HYAL1: variants seen among roughly 807,000 people sequenced by gnomAD.
The protein encoded by HYAL1 is hyaluronidase-1.
A neutral mutation model predicts 28.8 loss-of-function variants in HYAL1; 21 were observed. The observed-to-expected ratio is 0.73, with a 90% confidence interval of 0.52 to 1.05. The LOEUF (loss-of-function observed/expected upper bound fraction) is 1.05. HYAL1 is among the 50% of genes least tolerant of loss of function. The pLI is 0.00. For missense variants in HYAL1, 491 were observed against 579.2 expected (o/e 0.85, Z 1.56); for synonymous variants, 200 against 230.1 (o/e 0.87, Z 1.18).
chr3:50,312,163 G>C (rs1702483679), intron 1 of HYAL1: 1 of 157,928 alleles, frequency 6.3e-6, no homozygotes, highest in Non-Finnish European at 1.4e-5. Context: ...GGCCAGGCGG[G>C]GGGTTGACCC....
intron 2 of HYAL1, among the ~76,000 whole-genome samples, chr3:50,301,615 CAA>C (rs34686771): frequency 2.0e-4 from 9 of 45,910 alleles, no homozygotes; most frequent in Admixed American, 2.4e-4. Context: ...GACTCCGTCT[CAA>C]AAAAAAAAAA....
At chr3:50,300,892 A>G in intron 3 of HYAL1, 92 bp from the exon 4 acceptor site, 2 of 1,531,702 alleles carry the variant, frequency 1.3e-6, no homozygotes, top group Admixed American at 1.8e-5. Flanking sequence ...GTCAGCCAGG[A>G]CTTTGCAGGT....
Position 50,300,098 on chromosome 3 carries a change from C to G in HYAL1, c.*385G>C, listed in dbSNP as rs141677727. On this transcript the variant is annotated 3_prime_UTR_variant, in exon 4 of 4. Transcript: ENST00000395144. ...CTCAATGTGAGTGACTCAGTTTCCTCATAGCCTCATTGTGAGGAATGAATA... is the reference window on the plus strand; with the variant it reads ...CTCAATGTGAGTGACTCAGTTTCCTGATAGCCTCATTGTGAGGAATGAATA... 1 of 310,694 alleles carries G rather than the reference C, an allele frequency of 3.2e-6. No homozygotes were observed. Among genetic ancestry groups the G allele is most frequent in the Non-Finnish European group, 6.3e-6 (1 of 158,964 alleles). 19.2% of individuals were successfully genotyped at this position (310,694 alleles called of 1,614,324 possible). A position where few individuals can be genotyped will look rare whatever the true frequency, so the allele number is the denominator to read the frequency against.
At chr3:50,306,509 A>G (rs1575521286), upstream of HYAL1, among the ~76,000 whole-genome samples, 1 of 151,244 alleles carries the variant, frequency 6.6e-6, no homozygotes, top group Non-Finnish European at 1.5e-5. Flanking sequence ...TTACACTTAC[A>G]GCACTCAGAA....
chr3:50,310,879 T>C (rs1235932629), intron 1 of HYAL1, among the ~76,000 whole-genome samples: 1 of 151,278 alleles, frequency 6.6e-6, no homozygotes, highest in Non-Finnish European at 1.5e-5. Flanking sequence ...TAACCCTGAG[T>C]GGACACAGCA....
intron 1 of HYAL1, among the ~76,000 whole-genome samples, chr3:50,310,146 G>A (rs1345172823): frequency 6.6e-6 from 1 of 150,654 alleles, no homozygotes; most frequent in Non-Finnish European, 1.5e-5. Context: ...CAATTTTTAT[G>A]ATTTTCTACA....
chr3:50,311,676 C>T lies in HYAL1; in HGVS notation c.-310+588G>A, dbSNP rs1237846170. 7.6e-4 allele frequency among the ~76,000 whole-genome samples: 108 copies of T among 142,726 alleles called. 3 individuals are homozygous for T. Among genetic ancestry groups the T allele is most frequent in the African/African-American group, 2.7e-3 (98 of 36,772 alleles). 93.6% of individuals were successfully genotyped at this position (142,726 alleles called of 152,430 possible). ...CGGCTGGCCGGGCGGGGGGCTGACCCCCCAACCTCCCTCCCGGACGGGGCG... is the reference window on the plus strand; with the variant it reads ...CGGCTGGCCGGGCGGGGGGCTGACCTCCCAACCTCCCTCCCGGACGGGGCG... On this transcript the variant is annotated intron_variant, in intron 1 of 5. Transcript: ENST00000320295.
chr3:50,302,259 C>T lies in HYAL1; in HGVS notation c.698G>A (p.Gly233Glu), dbSNP rs1553713121. ...GGCACGGCTCTGGCCCCACAGCCACCCTAGCTGGTCATTTTGGGCACGGAT... is the reference window on the plus strand; with the variant it reads ...GGCACGGCTCTGGCCCCACAGCCACTCTAGCTGGTCATTTTGGGCACGGAT... ...SGIRAQNDQL[G>E]WLWGQSRALY... The change falls in exon 2 of 4, where the codon GGG (glycine) becomes GAG (glutamate). Residue 233 changes from glycine (G) to glutamate (E), a missense_variant. Coordinates refer to ENST00000395144, the MANE Select transcript of HYAL1 (RefSeq NM_033159.4). The surrounding 1 kb of genome is among the most constrained non-coding windows in gnomAD (Gnocchi z 5.0). 6.2e-7 allele frequency: 1 copy of T among 1,613,914 alleles called. No homozygotes were observed. Among genetic ancestry groups the T allele is most frequent in the Admixed American group, 1.7e-5 (1 of 60,028 alleles).
chr3:50,311,179 G>C (rs587716522), intron 1 of HYAL1, among the ~76,000 whole-genome samples: 2 of 151,130 alleles, frequency 1.3e-5, no homozygotes, highest in African/African-American at 2.4e-5. Context: ...AGGGGCAGCC[G>C]GGCAGAGGCG....
At chr3:50,307,956 G>T (rs1412805551), upstream of HYAL1, among the ~76,000 whole-genome samples, 1 of 149,932 alleles carries the variant, frequency 6.7e-6, no homozygotes, top group African/African-American at 2.5e-5. Flanking sequence ...CATCATGCCT[G>T]GCTAATTTTT....
In HYAL1 at chr3:50,302,875, GT is replaced by G. The variant is rs781974681; in HGVS notation, c.81del (p.Asn29ThrfsTer31). On this transcript the variant is annotated frameshift_variant, in exon 2 of 4. Coordinates refer to ENST00000395144, the MANE Select transcript of HYAL1 (RefSeq NM_033159.4). LOFTEE classifies it high-confidence loss of function. The surrounding 1 kb of genome is among the most constrained non-coding windows in gnomAD (Gnocchi z 5.0). ...DMAQGFRGPLLPNRPFTTVWN... is the reference protein window; with the variant it reads ...DMAQGFRGPLXPNRPFTTVWN... ...CAGACGGTGGTGAAGGGCCGGTTGG[GT>G]AGCAAGGGGCCCCTAAAGCCTTGGG... 2 of 1,612,984 alleles carry G rather than the reference GT, an allele frequency of 1.2e-6. No individual in the cohort carries two copies. The highest frequency in any genetic ancestry group is 4.5e-5 in the East Asian group (2 of 44,852).
rs59958240 is a variant in HYAL1, at chr3:50,309,461, C to CAAAAA, written c.-191+193_-191+197dup. 1.6e-4 allele frequency among the ~76,000 whole-genome samples: 10 copies of CAAAAA among 60,894 alleles called. No homozygotes were observed. The East Asian group carries it at 2.1e-3, about 13-fold the overall frequency. 39.9% of individuals were successfully genotyped at this position (60,894 alleles called of 152,430 possible). A position where few individuals can be genotyped will look rare whatever the true frequency, so the allele number is the denominator to read the frequency against. ...CCTGGGCAACAGAGCCAGACTCCAC[C>CAAAAA]AAAAAAAAAAAAAAAAAAAAGAATC... On this transcript the variant is annotated intron_variant, in intron 2 of 5. Coordinates refer to the HYAL1 transcript ENST00000320295.
At chr3:50,305,306 C>CAT (rs1553713841), upstream of HYAL1, among the ~76,000 whole-genome samples, 73 of 149,754 alleles carry the variant, frequency 4.9e-4, no homozygotes, top group Non-Finnish European at 9.7e-4. Context: ...TGCAGTGGTG[C>CAT]GATCTCAGCT....
rs1228802197 is a variant in HYAL1 at position 50,301,068 on chromosome 3, C to T, written c.910G>A (p.Glu304Lys). 3.1e-6 allele frequency: 5 copies of T among 1,611,322 alleles called. No individual in the cohort carries two copies. The African/African-American group carries it at 6.7e-5, about 22-fold the overall frequency. Reference protein sequence around the residue: ...TNHFLPLDELEHSLGESAAQG... With the variant: ...TNHFLPLDELKHSLGESAAQG... The stretch of plus-strand genomic sequence containing the variant: ...GCCGCACTCTCCCCCAGGCTGTGCT[C>T]CAGCTCATCCTGGGAAGGAGACAGC... The change falls in exon 3 of 4, where the codon GAG becomes AAG. Residue 304 changes from glutamate to lysine, a missense_variant. Coordinates refer to ENST00000395144, the MANE Select transcript of HYAL1 (RefSeq NM_033159.4).
Position 50,308,604 on chromosome 3 carries a change from C to T in HYAL1, c.-191+1055G>A, listed in dbSNP as rs797041002. On this transcript the variant is annotated intron_variant, in intron 2 of 5. Coordinates refer to the HYAL1 transcript ENST00000320295. ...CTGGGGCTACAGGCGCCCACCACCGCGCCCGGCTAATTTTTTGTATTTTTG... is the reference window on the plus strand; with the variant it reads ...CTGGGGCTACAGGCGCCCACCACCGTGCCCGGCTAATTTTTTGTATTTTTG... 1.4e-4 allele frequency among the ~76,000 whole-genome samples: 21 copies of T among 150,590 alleles called. 1 individual carries two copies. The highest frequency in any genetic ancestry group is 3.7e-4 in the African/African-American group (15 of 40,120).
intron 1 of HYAL1, among the ~76,000 whole-genome samples, chr3:50,311,831 T>C (rs1702467528): frequency 1.4e-5 from 2 of 140,626 alleles, no homozygotes; most frequent in African/African-American, 2.7e-5. Flanking sequence ...ATGGGGCGGC[T>C]GGCCAGGCGG....
At chr3:50,310,644 G>A (rs1385190301) in intron 1 of HYAL1, among the ~76,000 whole-genome samples, 2 of 143,678 alleles carry the variant, frequency 1.4e-5, no homozygotes, top group African/African-American at 2.6e-5. Flanking sequence ...GGTGTTTCTC[G>A]CAGAGGGGGA....
chr3:50,302,811 A>T lies in HYAL1; in HGVS notation c.146T>A (p.Val49Glu). The T allele has an allele frequency of 1.9e-6, 3 of 1,614,036 alleles. No homozygotes were observed. The highest frequency in any genetic ancestry group is 1.1e-5 in the South Asian group (1 of 91,086). The change falls in exon 2 of 4, where the codon GTG (valine) becomes GAG (glutamate). Residue 49 changes from valine (V) to glutamate (E), a missense_variant. By Grantham distance (121) the Val-to-Glu change is moderately radical. Transcript: ENST00000395144. This position sits in a 1 kb window ranked among gnomAD's most constrained non-coding sequence, Gnocchi z 5.0. ...NTQWCLERHG[V>E]DVDVSVFDVV... is the part of the protein sequence containing the mutation. Reference sequence around the variant, plus strand: ...ATCGAAGACACTGACATCCACGTCCACACCGTGCCTCTCCAGGCACCACTG... The same window carrying T: ...ATCGAAGACACTGACATCCACGTCCTCACCGTGCCTCTCCAGGCACCACTG...
At chr3:50,304,296 A>AAAAAATATATAT (rs1553713686), upstream of HYAL1, among the ~76,000 whole-genome samples, 1 of 30,480 alleles carries the variant, frequency 3.3e-5, no homozygotes, top group African/African-American at 1.0e-4. Flanking sequence ...AAAAAAAAAA[A>AAAAAATATATAT]ATATATATAT....
Sources: allele counts gnomAD v4.1 joint callset (sites outside exome capture counted in the v4.1 genomes callset), GRCh38; gene constraint gnomAD v4.1.1; non-coding constraint Gnocchi (gnomAD v3.1); transcripts MANE v1.5; gene names NCBI Gene and HGNC (gene_info 2026-07-23, HGNC 2026-07-21).